The following CNOT4 variants were observed in gnomAD, a reference collection of about 807,000 sequenced individuals.
CNOT4 encodes the protein CCR4-associated factor 4.
In CNOT4, 8 loss-of-function variants were observed where a neutral mutation model predicts 73.8. That is an observed-to-expected ratio of 0.11 (90% CI 0.06 to 0.20). The LOEUF (loss-of-function observed/expected upper bound fraction) is 0.20, where lower values mean the gene tolerates loss of function less well. CNOT4 is among the 10% of genes least tolerant of loss of function. The pLI is 1.00. For synonymous variants in CNOT4, 293 were observed against 321.1 expected (o/e 0.91, Z 0.94); for missense variants, 564 against 883.4 (o/e 0.64, Z 4.58).
chr7:135,446,124 TC>T lies in CNOT4; in HGVS notation c.-92-7702del, dbSNP rs558117804. On this transcript the variant is annotated intron_variant, in intron 1 of 11. Coordinates refer to ENST00000541284, the MANE Select transcript of CNOT4 (RefSeq NM_001190850.2). ...CTTGAACTCCGGGCTCAAGTGATCC[TC>T]CCACCTCAGGCTCCCAAAGTGCTGG... Among the ~76,000 whole-genome samples, 64 of 152,210 alleles carry T rather than the reference TC, an allele frequency of 4.2e-4. 1 individual carries two copies. The South Asian group carries it at 0.013, about 31-fold the overall frequency.
intron 10 of CNOT4, among the ~76,000 whole-genome samples, chr7:135,390,022 AAGAAAC>A (rs1314330879): frequency 1.3e-5 from 2 of 152,190 alleles, no homozygotes; most frequent in Non-Finnish European, 2.9e-5. Flanking sequence ...AATAAGGACT[AAGAAAC>A]AGACTGATTT....
Position 135,370,081 on chromosome 7 carries a change from A to G in CNOT4, c.1628-6015T>C, listed in dbSNP as rs182353705. Reference sequence around the variant, plus strand: ...ATAAAATCAGTTTATGAAAAATGTTATTCTAGTTAAATAGTTTACACTCAA... The same window carrying G: ...ATAAAATCAGTTTATGAAAAATGTTGTTCTAGTTAAATAGTTTACACTCAA... On this transcript the variant is annotated intron_variant, in intron 10 of 11. Coordinates refer to ENST00000541284, the MANE Select transcript of CNOT4 (RefSeq NM_001190850.2). 5.9e-5 allele frequency among the ~76,000 whole-genome samples: 9 copies of G among 152,354 alleles called. No individual in the cohort carries two copies. The East Asian group carries it at 1.7e-3, about 29-fold the overall frequency.
chr7:135,465,186 T>C (rs1801140490), intron 1 of CNOT4, among the ~76,000 whole-genome samples: 1 of 152,210 alleles, frequency 6.6e-6, no homozygotes, highest in Admixed American at 6.5e-5. Context: ...TTTAATTCAT[T>C]TACATGTTTA....
intron 9 of CNOT4, 118 bp from the exon 10 acceptor site, chr7:135,394,533 CTA>C: frequency 3.8e-6 from 3 of 795,810 alleles, no homozygotes; most frequent in Non-Finnish European, 6.2e-6. Context: ...AGTGCAAAAT[CTA>C]TGTGACTTCT....
In CNOT4 at chr7:135,363,345, C is replaced by T. The variant is rs1457025023; in HGVS notation, c.1841-159G>A. Among the ~76,000 whole-genome samples the T allele has an allele frequency of 1.3e-5, 2 of 152,196 alleles. No homozygotes were observed. Among genetic ancestry groups the T allele is most frequent in the African/African-American group, 2.4e-5 (1 of 41,444 alleles). On this transcript the variant is annotated intron_variant, in intron 11 of 11. Coordinates refer to ENST00000541284, the MANE Select transcript of CNOT4 (RefSeq NM_001190850.2). This position sits in a 1 kb window ranked among gnomAD's most constrained non-coding sequence, Gnocchi z 4.3. Reference sequence around the variant, plus strand: ...ACCTTTTAAACCAATCCTCCCCCAACAACAAAGAACTTATTGGCACACAAA... The same window carrying T: ...ACCTTTTAAACCAATCCTCCCCCAATAACAAAGAACTTATTGGCACACAAA...
chr7:135,403,015 T>TA (rs1194522690), intron 7 of CNOT4, among the ~76,000 whole-genome samples: 1 of 152,200 alleles, frequency 6.6e-6, no homozygotes, highest in South Asian at 2.1e-4. Flanking sequence ...TTAGAAGGTT[T>TA]AGTTTTTCTG....
At chr7:135,396,991 A>G (rs902952654) in intron 8 of CNOT4, among the ~76,000 whole-genome samples, 13 of 152,134 alleles carry the variant, frequency 8.5e-5, no homozygotes, top group Admixed American at 3.9e-4. Context: ...ATTAAAATCT[A>G]CATTTATGTA....
intron 1 of CNOT4, among the ~76,000 whole-genome samples, chr7:135,453,826 T>TATATATATATATATA (rs1800335679): frequency 4.4e-5 from 4 of 89,906 alleles, no homozygotes; most frequent in Non-Finnish European, 6.9e-5. Context: ...TATATATATT[T>TATATATATATATATA]TATATATATA....
intron 1 of CNOT4, among the ~76,000 whole-genome samples, chr7:135,508,834 T>A (rs1298637471): frequency 6.6e-6 from 1 of 152,204 alleles, no homozygotes; most frequent in African/African-American, 2.4e-5. Flanking sequence ...AATGCTGGGG[T>A]TAATATTTAT....
chr7:135,435,887 G>A (rs915128860), intron 2 of CNOT4, among the ~76,000 whole-genome samples: 1 of 152,108 alleles, frequency 6.6e-6, no homozygotes, highest in African/African-American at 2.4e-5. Flanking sequence ...TATAATCACT[G>A]TTTTAATTAG....
chr7:135,495,100 T>A (rs1318799906), intron 1 of CNOT4, among the ~76,000 whole-genome samples: 2 of 152,202 alleles, frequency 1.3e-5, no homozygotes, highest in African/African-American at 4.8e-5. Flanking sequence ...TAAGCAAAGT[T>A]TCCCAAGATC....
In CNOT4 at chr7:135,384,495, CAGGAT is replaced by C. The variant is rs1394714582; in HGVS notation, c.1627+9418_1627+9422del. 3 of 565,460 alleles carry C rather than the reference CAGGAT, an allele frequency of 5.3e-6. No individual in the cohort carries two copies. The African/African-American group carries it at 5.7e-5, about 11-fold the overall frequency. The allele number at this position is 565,460 out of a possible 1,614,324, so 35.0% of individuals were successfully genotyped here. A position where few individuals can be genotyped will look rare whatever the true frequency, so the allele number is the denominator to read the frequency against. ...AGAGACGGGGTTTCACCGTGTTAGCCAGGATGGTCTCGATCTCCTGACCTTGTGAT... is the reference window on the plus strand; with the variant it reads ...AGAGACGGGGTTTCACCGTGTTAGCCGGTCTCGATCTCCTGACCTTGTGAT... On this transcript the variant is annotated intron_variant, in intron 10 of 11. Coordinates refer to ENST00000541284, the MANE Select transcript of CNOT4 (RefSeq NM_001190850.2).
intron 3 of CNOT4, among the ~76,000 whole-genome samples, chr7:135,415,824 G>A (rs1797843534): frequency 6.6e-6 from 1 of 151,986 alleles, no homozygotes; most frequent in Non-Finnish European, 1.5e-5. Context: ...AGTTTCCTAT[G>A]TCAATCAGTT....
chr7:135,476,606 A>G (rs1487345279), intron 1 of CNOT4, among the ~76,000 whole-genome samples: 3 of 152,142 alleles, frequency 2.0e-5, no homozygotes, highest in East Asian at 3.9e-4. Flanking sequence ...GGCCCAGGAG[A>G]TTGAGGCTGC....
At chr7:135,452,672 G>A (rs1189209703) in intron 1 of CNOT4, among the ~76,000 whole-genome samples, 8 of 152,104 alleles carry the variant, frequency 5.3e-5, no homozygotes, top group Non-Finnish European at 1.2e-4. Context: ...AGAAATGAAC[G>A]TTTACTTGTA....
At chr7:135,469,173 T>C (rs951953300) in intron 1 of CNOT4, among the ~76,000 whole-genome samples, 3 of 152,142 alleles carry the variant, frequency 2.0e-5, no homozygotes, top group African/African-American at 4.8e-5. Flanking sequence ...AACATTTGTT[T>C]ATTCAACAAA....
At chr7:135,388,948 C>G in intron 10 of CNOT4, 4 of 1,557,166 alleles carry the variant, frequency 2.6e-6, no homozygotes, top group Non-Finnish European at 3.5e-6. Flanking sequence ...TGTTAACAGT[C>G]CCTTTAAAAA....
chr7:135,422,315 G>T lies in CNOT4; in HGVS notation c.213C>A (p.Ser71=). 1 of 1,569,720 alleles carries T rather than the reference G, an allele frequency of 6.4e-7. No individual in the cohort carries two copies. Among genetic ancestry groups the T allele is most frequent in the Non-Finnish European group, 8.8e-7 (1 of 1,140,050 alleles). The part of the protein sequence containing the change: ...PEDPAVYKPL[S]QEELQRIKNE... ...TCTTTATCCTTTGCAGCTCTTCCTG[G>T]GAGAGTGGTTTATAAACTGCTGGGT... Residue 71 remains serine, a synonymous_variant, in exon 3 of 12, where the codon TCC becomes TCA. Transcript: ENST00000541284.
At chr7:135,478,983 T>G (rs1396887008) in intron 1 of CNOT4, among the ~76,000 whole-genome samples, 1 of 152,040 alleles carries the variant, frequency 6.6e-6, no homozygotes, top group Non-Finnish European at 1.5e-5. Flanking sequence ...TTTAAAAAAA[T>G]TTTCCTGAAT....
Sources: gnomAD v4.1 joint callset for allele counts (sites outside exome capture counted in the v4.1 genomes callset) on GRCh38, gnomAD v4.1.1 for gene constraint, Gnocchi (gnomAD v3.1) non-coding constraint, MANE v1.5 for transcripts, NCBI Gene and HGNC (gene_info 2026-07-23, HGNC 2026-07-21) for gene names.